DMXL2: variants seen among roughly 807,000 people sequenced by gnomAD.
DMXL2 encodes Dmx like 2, also known as dmX-like protein 2.
In DMXL2, 103 loss-of-function variants were observed where a neutral mutation model predicts 331.1. The ratio of observed to expected loss-of-function variants is 0.31; its 90% CI spans 0.27 to 0.37. The LOEUF is 0.37. Ranked by LOEUF, DMXL2 falls within the 10% of genes least tolerant of loss-of-function variation. The probability of loss-of-function intolerance (pLI) is 1.00; values close to 1 mark genes in which losing one functional copy is unlikely to be tolerated. For missense variants in DMXL2, 3,171 were observed against 3,642.9 expected, an observed-to-expected ratio of 0.87 and a Z score of 3.33; for synonymous variants, 1,281 against 1,252.1, an observed-to-expected ratio of 1.02 and a Z score of -0.49.
At chr15:51,488,425 C>G in intron 21 of DMXL2, 123 bp downstream of exon 21, 1 of 859,790 alleles carries the variant, frequency 1.2e-6, no homozygotes, top group Non-Finnish European at 1.8e-6. Flanking sequence ...CTAAAGGAAC[C>G]AGGTCGCATA....
Position 51,458,616 on chromosome 15 carries a change from A to G in DMXL2, c.8088T>C (p.Asn2696=). 6.2e-7 allele frequency: 1 copy of G among 1,613,990 alleles called. No homozygotes were observed. The highest frequency in any genetic ancestry group is 1.3e-5 in the African/African-American group (1 of 75,072). The change falls in exon 36 of 44, where the codon AAT becomes AAC. Residue 2696 remains asparagine, a synonymous_variant. Coordinates refer to ENST00000560891, the MANE Select transcript of DMXL2 (RefSeq NM_001378457.1). ...MAFSVNKANC[N]EIVLASTHDV... is the part of the protein sequence containing the mutation. ...CATGTGTTGAAGCCAAAACAATTTC[A>G]TTACAATTTGCCTATAAAGCAAAGG...
chr15:51,592,316 A>G (rs980299328), intron 1 of DMXL2, among the ~76,000 whole-genome samples: 1 of 152,236 alleles, frequency 6.6e-6, no homozygotes, highest in Non-Finnish European at 1.5e-5. Context: ...AAAGGGTATC[A>G]GTGATGGAAG....
In DMXL2 at chr15:51,576,110, A is replaced by C; in HGVS notation, c.159T>G (p.Ala53=). The part of the protein sequence containing the change: ...DFECVQIIPG[A]KHGNIQVSCV... ...AGCTGACTTGGATGTTTCCATGCTT[A>C]GCACCAGGAATGATCTGTACACATT... The change falls in exon 2 of 44, where the codon GCT becomes GCG. Residue 53 remains alanine, a synonymous_variant. Transcript: ENST00000560891. 6.3e-7 allele frequency: 1 copy of C among 1,579,880 alleles called. No homozygotes were observed. Among genetic ancestry groups the C allele is most frequent in the Non-Finnish European group, 8.6e-7 (1 of 1,159,970 alleles).
At chr15:51,567,894 G>A (rs531376325) in intron 3 of DMXL2, 20 of 152,540 alleles carry the variant, frequency 1.3e-4, no homozygotes, top group African/African-American at 4.6e-4. Context: ...ACCAGCCTGA[G>A]CAACACAGGG....
At position 51,447,857 on chromosome 15, in the gene DMXL2, G is replaced by A. The variant is rs2038815935; in HGVS notation, c.*1127C>T. ...ACAGCCTGAACATCACATCTTCAGA[G>A]AAAGTTACTTTTATGCCATTGTATT... On this transcript the variant is annotated 3_prime_UTR_variant, in exon 44 of 44. Coordinates refer to ENST00000560891, the MANE Select transcript of DMXL2 (RefSeq NM_001378457.1). 1 of 152,604 alleles carries A rather than the reference G, an allele frequency of 6.6e-6. No individual in the cohort carries two copies. Among genetic ancestry groups the A allele is most frequent in the Non-Finnish European group, 1.5e-5 (1 of 68,032 alleles). The allele number at this position is 152,604 out of a possible 1,614,324, so 9.5% of individuals were successfully genotyped here.
In DMXL2 at chr15:51,481,265, A is replaced by G; in HGVS notation, c.5841T>C (p.Ser1947=). ...TTACATTTGACCATTCAATGCCAGA[A>G]CTTCCATTGCCATCACTCAGAGCTT... ...HSKALSDGNG[S]SGIEWSNVTS... is the part of the protein sequence containing the mutation. The change falls in exon 24 of 44, where the codon AGT becomes AGC. Residue 1947 remains serine, a synonymous_variant. Transcript: ENST00000560891. 6.2e-7 allele frequency: 1 copy of G among 1,613,508 alleles called. No homozygotes were observed. Among genetic ancestry groups the G allele is most frequent in the East Asian group, 2.2e-5 (1 of 44,878 alleles).
intron 11 of DMXL2, among the ~76,000 whole-genome samples, 200 bp downstream of exon 11, chr15:51,537,288 C>T (rs931827400): frequency 6.6e-6 from 1 of 152,044 alleles, no homozygotes; most frequent in Non-Finnish European, 1.5e-5. Flanking sequence ...ATTTCAAGGC[C>T]AAATTCATTA....
rs202033320 is a variant in DMXL2 at position 51,534,951 on chromosome 15, CTTCTT to C, written c.2436+707_2436+711del. 6.4e-3 allele frequency among the ~76,000 whole-genome samples: 967 copies of C among 152,214 alleles called. 16 individuals are homozygous for C. The highest frequency in any genetic ancestry group is 0.022 in the African/African-American group (930 of 41,534). ...AATTACATACCACCCTTAGACTCCT[CTTCTT>C]ATGTCTTAAACTGCTACTTAACTTT... On this transcript the variant is annotated intron_variant, in intron 13 of 43. Transcript: ENST00000560891.
At chr15:51,568,681 T>C (rs1322909104) in intron 2 of DMXL2, 123 bp from the exon 3 acceptor site, 5 of 667,864 alleles carry the variant, frequency 7.5e-6, no homozygotes, top group Non-Finnish European at 1.2e-5. Context: ...GTTTATTTCC[T>C]TCCATAAATA....
At chr15:51,464,261 C>T (rs1447207318) in intron 32 of DMXL2, among the ~76,000 whole-genome samples, 1 of 152,022 alleles carries the variant, frequency 6.6e-6, no homozygotes, top group Non-Finnish European at 1.5e-5. Context: ...AAAAATTAGC[C>T]GATGGCGCTC....
intron 43 of DMXL2, among the ~76,000 whole-genome samples, chr15:51,449,704 A>C (rs74360744): frequency 0.025 from 3,823 of 152,340 alleles, 78 homozygotes; most frequent in Non-Finnish European, 0.04. Context: ...TTTTTAACTT[A>C]TAATGGGTTT....
intron 1 of DMXL2, among the ~76,000 whole-genome samples, chr15:51,592,812 C>A (rs1298950068): frequency 8.5e-6 from 1 of 117,668 alleles, no homozygotes; most frequent in Non-Finnish European, 1.9e-5. Flanking sequence ...TCCAGCCAAA[C>A]TAAGCTTCAT....
In DMXL2 at chr15:51,499,252, T is replaced by A; in HGVS notation, c.3972A>T (p.Ser1324=). 1 of 1,613,958 alleles carries A rather than the reference T, an allele frequency of 6.2e-7. No homozygotes were observed. The highest frequency in any genetic ancestry group is 8.5e-7 in the Non-Finnish European group (1 of 1,180,018). The part of the protein sequence containing the change: ...GTAISDDVFC[S]PTVIQDGGLF... ...AGCCACCATCTTGAATTACAGTTGG[T>A]GAACAAAAAACATCATCAGAAATAG... The change falls in exon 18 of 44, where the codon TCA becomes TCT. Residue 1324 remains serine (S), a synonymous_variant. Transcript: ENST00000560891.
chr15:51,459,048 T>C (rs915430034), intron 34 of DMXL2: 7 of 423,758 alleles, frequency 1.7e-5, no homozygotes, highest in African/African-American at 1.4e-4. Context: ...TTATAAAACA[T>C]GGCTAATATA....
chr15:51,514,740 A>G (rs1007700369), intron 14 of DMXL2, among the ~76,000 whole-genome samples, 181 bp from the exon 15 acceptor site: 4 of 152,038 alleles, frequency 2.6e-5, no homozygotes, highest in Non-Finnish European at 1.5e-5. Context: ...TCCTGGTCAG[A>G]GAAAAATTAC....
chr15:51,593,216 G>A (rs1270133090), intron 1 of DMXL2, among the ~76,000 whole-genome samples: 1 of 152,144 alleles, frequency 6.6e-6, no homozygotes, highest in Non-Finnish European at 1.5e-5. Context: ...AGGGATGGAG[G>A]AAGATCTACC....
At chr15:51,518,338 GA>G (rs1176728309) in intron 13 of DMXL2, among the ~76,000 whole-genome samples, 1 of 149,952 alleles carries the variant, frequency 6.7e-6, no homozygotes, top group Non-Finnish European at 1.5e-5. Flanking sequence ...GTCCAAAAAG[GA>G]AAAAAAAAGA....
chr15:51,513,007 T>A (rs1226208173), intron 15 of DMXL2, among the ~76,000 whole-genome samples: 2 of 151,870 alleles, frequency 1.3e-5, no homozygotes, highest in Non-Finnish European at 2.9e-5. Flanking sequence ...TAGTACAAAA[T>A]AAAGCAGAGG....
chr15:51,557,748 A>C (rs1329695162), intron 6 of DMXL2, among the ~76,000 whole-genome samples: 1 of 152,214 alleles, frequency 6.6e-6, no homozygotes, highest in East Asian at 1.9e-4. Flanking sequence ...TTTATGACAA[A>C]AGTGGTAATG....
Sources: allele counts gnomAD v4.1 joint callset (sites outside exome capture counted in the v4.1 genomes callset), GRCh38; gene constraint gnomAD v4.1.1; transcripts MANE v1.5; gene names NCBI Gene and HGNC (gene_info 2026-07-23, HGNC 2026-07-21).